Variants in LRP1B observed in about 807,000 individuals in gnomAD.
LRP1B encodes LDL receptor related protein 1B, also known as low-density lipoprotein receptor-related protein 1B.
Under a neutral mutation model 556.6 loss-of-function variants are expected in LRP1B, and 217 were observed. The ratio of observed to expected loss-of-function variants is 0.39; its 90% CI spans 0.35 to 0.44. The LOEUF is 0.44. Ranked by LOEUF, LRP1B falls within the 20% of genes least tolerant of loss-of-function variation. The probability of loss-of-function intolerance (pLI) is 1.00; values close to 1 mark genes in which losing one functional copy is unlikely to be tolerated. For missense variants in LRP1B, 5,053 were observed against 5,620.8 expected (o/e 0.90, Z 3.23); for synonymous variants, 2,047 against 1,865.8 (o/e 1.10, Z -2.50).
intron 16 of LRP1B, among the ~76,000 whole-genome samples, chr2:140,992,843 A>G (rs1452065370): frequency 6.6e-6 from 1 of 152,030 alleles, no homozygotes; most frequent in Admixed American, 6.6e-5. Flanking sequence ...GTGGGTTCAA[A>G]CTTTGCAGGA....
chr2:140,530,910 A>G (rs1690664002), intron 47 of LRP1B, among the ~76,000 whole-genome samples: 1 of 152,172 alleles, frequency 6.6e-6, no homozygotes, highest in African/African-American at 2.4e-5. Flanking sequence ...CGACTAAAAA[A>G]GAGGAAATAT....
chr2:140,908,668 C>T (rs562417388), intron 21 of LRP1B, among the ~76,000 whole-genome samples: 6 of 143,944 alleles, frequency 4.2e-5, no homozygotes, highest in South Asian at 2.2e-4. Context: ...AACATTTTGG[C>T]GACTAACATG....
At chr2:140,868,345 G>A (rs1254913847) in intron 25 of LRP1B, 82 bp from the exon 26 acceptor site, 4 of 1,277,038 alleles carry the variant, frequency 3.1e-6, no homozygotes, top group Non-Finnish European at 4.2e-6. Flanking sequence ...CCTACCATAT[G>A]CTAGGCACTG....
In LRP1B at chr2:140,450,661, A is replaced by C. The variant is rs1352198039; in HGVS notation, c.9964T>G (p.Phe3322Val). The C allele has an allele frequency of 6.2e-7, 1 of 1,602,020 alleles. No homozygotes were observed. The highest frequency in any genetic ancestry group is 1.4e-5 in the African/African-American group (1 of 73,946). ...TCLSNCTASQ[F>V]RCKTDKCIPF... ...ATACATTTGTCAGTTTTGCAACGAAACTTAAAAAAGAAAAAAAGAAAAAAA... is the reference window on the plus strand; with the variant it reads ...ATACATTTGTCAGTTTTGCAACGAACCTTAAAAAAGAAAAAAAGAAAAAAA... The change falls in exon 63 of 91, where the codon TTT becomes GTT. Residue 3322 changes from phenylalanine to valine, a missense_variant and splice_region_variant. Physicochemically the swap from Phe to Val is conservative, Grantham distance 50. This residue lies in a region of LRP1B where 262 missense variants were observed against 395.1 expected (regional missense o/e 0.66). Transcript: ENST00000389484.
chr2:141,162,279 C>T (rs1010842473), intron 7 of LRP1B, among the ~76,000 whole-genome samples: 1 of 151,906 alleles, frequency 6.6e-6, no homozygotes, highest in Admixed American at 6.6e-5. Flanking sequence ...TTATAGCTAC[C>T]CCAGATTTTG....
chr2:141,257,514 G>T lies in LRP1B; in HGVS notation c.344-2873C>A, dbSNP rs1684519315. On this transcript the variant is annotated intron_variant, in intron 3 of 90. Coordinates refer to ENST00000389484, the MANE Select transcript of LRP1B (RefSeq NM_018557.3). ...GGAGAGTGAACACTGAAAAGAGGGG[G>T]TTAGTGATATGGAAAGTTGAGGAGA... Among the ~76,000 whole-genome samples, 6 of 152,172 alleles carry T rather than the reference G, an allele frequency of 3.9e-5. No homozygotes were observed. In the South Asian group the frequency reaches 1.2e-3, roughly 31 times the overall value.
intron 41 of LRP1B, among the ~76,000 whole-genome samples, chr2:140,639,668 C>T (rs1476961300): frequency 3.3e-5 from 5 of 152,128 alleles, no homozygotes; most frequent in African/African-American, 1.2e-4. Context: ...TTTCTCCATG[C>T]AAGAAGCAGC....
chr2:142,075,446 G>T (rs1278642053), intron 1 of LRP1B, among the ~76,000 whole-genome samples: 2 of 152,014 alleles, frequency 1.3e-5, no homozygotes, highest in African/African-American at 2.4e-5. Context: ...ATGACCTCTG[G>T]ACTGACATTT....
rs1335814783 is a variant in LRP1B, at chr2:140,234,941, TCG to T, written c.13561-59_13561-58del. Reference sequence around the variant, plus strand: ...TCTAATATTATAGAATCACTTTTCATCGATACATATCATGTTAATTCATAAAA... The same window carrying T: ...TCTAATATTATAGAATCACTTTTCATATACATATCATGTTAATTCATAAAA... On this transcript the variant is annotated intron_variant, in intron 89 of 90. Coordinates refer to ENST00000389484, the MANE Select transcript of LRP1B (RefSeq NM_018557.3). The T allele has an allele frequency of 5.5e-6, 4 of 723,580 alleles. No homozygotes were observed. In the African/African-American group the frequency reaches 7.1e-5, roughly 13 times the overall value. 44.8% of individuals were successfully genotyped at this position (723,580 alleles called of 1,614,324 possible).
At chr2:141,894,079 G>C (rs186646828) in intron 1 of LRP1B, among the ~76,000 whole-genome samples, 7 of 152,020 alleles carry the variant, frequency 4.6e-5, no homozygotes, top group African/African-American at 1.7e-4. Flanking sequence ...AAAAATCTTT[G>C]TATTGGAATC....
chr2:141,949,779 A>G lies in LRP1B; in HGVS notation c.83-139378T>C, dbSNP rs189308953. Among the ~76,000 whole-genome samples, 5 of 152,336 alleles carry G rather than the reference A, an allele frequency of 3.3e-5. No homozygotes were observed. In the East Asian group the frequency reaches 9.6e-4, roughly 29 times the overall value. ...TTAGGTTGGAAGAGTAAAAACAAAC[A>G]AATGGATATCTCCATATTTTACACT... On this transcript the variant is annotated intron_variant, in intron 1 of 90. Coordinates refer to ENST00000389484, the MANE Select transcript of LRP1B (RefSeq NM_018557.3).
chr2:141,910,882 T>C (rs1171241892), intron 1 of LRP1B, among the ~76,000 whole-genome samples: 3 of 152,112 alleles, frequency 2.0e-5, no homozygotes, highest in African/African-American at 7.2e-5. Context: ...TGTAGAAAAG[T>C]ATTAATAAGA....
At chr2:141,969,112 GT>G (rs796778831) in intron 1 of LRP1B, among the ~76,000 whole-genome samples, 3,585 of 138,070 alleles carry the variant, frequency 0.026, 134 homozygotes, top group African/African-American at 0.086. Flanking sequence ...AGTTGTTTCT[GT>G]TTTTTTTTTT....
intron 1 of LRP1B, among the ~76,000 whole-genome samples, chr2:141,908,805 C>T (rs1383132206): frequency 6.6e-6 from 1 of 152,010 alleles, no homozygotes; most frequent in Non-Finnish European, 1.5e-5. Flanking sequence ...TAACAGATTA[C>T]AAGATTGTTC....
intron 3 of LRP1B, among the ~76,000 whole-genome samples, chr2:141,428,069 CT>C (rs1232190329): frequency 1.3e-5 from 2 of 152,124 alleles, no homozygotes; most frequent in East Asian, 3.8e-4. Flanking sequence ...TTGCATCTTC[CT>C]TTTTTAATGC....
intron 1 of LRP1B, among the ~76,000 whole-genome samples, chr2:141,980,371 GT>G (rs1041239187): frequency 1.9e-4 from 29 of 152,132 alleles, no homozygotes; most frequent in African/African-American, 7.0e-4. Context: ...AATTACGTGG[GT>G]TTAAGTTATT....
intron 41 of LRP1B, among the ~76,000 whole-genome samples, chr2:140,679,332 A>T (rs1685782573): frequency 6.6e-6 from 1 of 152,198 alleles, no homozygotes; most frequent in African/African-American, 2.4e-5. Context: ...TCAGCTCATA[A>T]CAATTTTTTT....
chr2:141,296,776 G>T (rs114522469), intron 3 of LRP1B, among the ~76,000 whole-genome samples: 1 of 151,978 alleles, frequency 6.6e-6, no homozygotes, highest in Non-Finnish European at 1.5e-5. Context: ...TGGGTATATC[G>T]CATGATGCTG....
In LRP1B at chr2:140,244,853, G is replaced by A. The variant is rs1471887; in HGVS notation, c.13324+2233C>T. 3.6e-4 allele frequency among the ~76,000 whole-genome samples: 54 copies of A among 151,314 alleles called. 1 individual carries two copies. Among genetic ancestry groups the A allele is most frequent in the African/African-American group, 1.3e-3 (52 of 41,382 alleles). ...GAAAACACATTCCTAAAGTTTCATC[G>A]TTCTTATTGGGCAGACGACTTCTGC... On this transcript the variant is annotated intron_variant, in intron 87 of 90. Transcript: ENST00000389484.
Sources: allele counts gnomAD v4.1 joint callset (sites outside exome capture counted in the v4.1 genomes callset), GRCh38; gene constraint gnomAD v4.1.1; regional missense constraint gnomAD v4.1.1; transcripts MANE v1.5; gene names NCBI Gene and HGNC (gene_info 2026-07-23, HGNC 2026-07-21).